The following MON1B variants were observed in gnomAD, a reference collection of about 807,000 sequenced individuals.
MON1B encodes the protein MON1 vesicular trafficking associated B, also known as vacuolar fusion protein MON1 homolog B.
Under a neutral mutation model 45.1 loss-of-function variants are expected in MON1B, and 26 were observed. That is an observed-to-expected ratio of 0.58 (90% CI 0.42 to 0.80). MON1B has a LOEUF of 0.80. MON1B is among the 30% of genes least tolerant of loss of function. MON1B has a pLI of 0.00. For missense variants in MON1B, 737 were observed against 754.5 expected, an observed-to-expected ratio of 0.98 and a Z score of 0.27; for synonymous variants, 395 against 320.2, an observed-to-expected ratio of 1.23 and a Z score of -2.49.
At chr16:77,195,302 C>T in intron 4 of MON1B, 148 bp downstream of exon 4, 2 of 1,004,990 alleles carry the variant, frequency 2.0e-6, no homozygotes, top group Non-Finnish European at 2.8e-6. Flanking sequence ...GATGGAGCAT[C>T]AGCCACAGAC....
rs2054638236 is a variant in MON1B, at chr16:77,193,958, G to C, written c.475+181G>C. ...GGGTTCATCTCTGTCTGGCCTGCTG[G>C]TTTCTTAGTGATTGACTTGCTGGGA... On this transcript the variant is annotated intron_variant, in intron 3 of 5. Transcript: ENST00000248248. This position sits in a 1 kb window ranked among gnomAD's most constrained non-coding sequence, Gnocchi z 5.0. The C allele has an allele frequency of 1.6e-6, 1 of 642,568 alleles. No individual in the cohort carries two copies. Among genetic ancestry groups the C allele is most frequent in the Non-Finnish European group, 2.7e-6 (1 of 375,654 alleles). The allele number at this position is 642,568 out of a possible 1,614,324, so 39.8% of individuals were successfully genotyped here.
In MON1B at chr16:77,195,638, C is replaced by T. The variant is rs746124611; in HGVS notation, c.1399C>T (p.Arg467Cys). ...TCTCCACAGCACCTCCCGACCCCTG[C>T]GCCTCATTTACCACGTGGCTGAGAA... ...ARLHSTSRPL[R>C]LIYHVAEKET... Residue 467 changes from arginine (R) to cysteine (C), a missense_variant, in exon 5 of 6, where the codon CGC (arginine) becomes TGC (cysteine). By Grantham distance (180) the Arg-to-Cys change is radical. Transcript: ENST00000248248. The T allele has an allele frequency of 7.4e-6, 12 of 1,614,032 alleles. No homozygotes were observed. The highest frequency in any genetic ancestry group is 2.2e-5 in the East Asian group (1 of 44,882).
chr16:77,193,133 G>A lies in MON1B; in HGVS notation c.149-318G>A, dbSNP rs1437442272. ...AATCGTCATCCAGAGTCAATGGGGT[G>A]CTTTGAAGACTTTGGAATAACAGTG... On this transcript the variant is annotated intron_variant, in intron 2 of 5. Coordinates refer to ENST00000248248, the MANE Select transcript of MON1B (RefSeq NM_014940.4). This position sits in a 1 kb window ranked among gnomAD's most constrained non-coding sequence, Gnocchi z 5.0. Among the ~76,000 whole-genome samples the A allele has an allele frequency of 1.3e-5, 2 of 152,136 alleles. No individual in the cohort carries two copies. The highest frequency in any genetic ancestry group is 2.1e-4 in the South Asian group (1 of 4,836).
In MON1B at chr16:77,200,242, A is replaced by ATG. The variant is rs1567422945; in HGVS notation, c.*1935_*1936insGT. The ATG allele has an allele frequency of 3.0e-5, 4 of 131,878 alleles. No homozygotes were observed. The highest frequency in any genetic ancestry group is 1.1e-4 in the African/African-American group (4 of 35,764). The allele number at this position is 131,878 out of a possible 1,614,324, so 8.2% of individuals were successfully genotyped here. On this transcript the variant is annotated 3_prime_UTR_variant, in exon 6 of 6. Coordinates refer to ENST00000248248, the MANE Select transcript of MON1B (RefSeq NM_014940.4). ...TGTATGTATGTGTGTGTATATATAT[A>ATG]TATATGTATATGTGTATATATATAT...
At chr16:77,196,363 TTTTATA>T (rs1350172637) in intron 5 of MON1B, among the ~76,000 whole-genome samples, 4 of 151,828 alleles carry the variant, frequency 2.6e-5, no homozygotes, top group African/African-American at 7.3e-5. Flanking sequence ...TATAAAGAGT[TTTTATA>T]TTTATATTTA....
At chr16:77,192,477 G>A (rs998779060) in intron 2 of MON1B, among the ~76,000 whole-genome samples, 4 of 152,190 alleles carry the variant, frequency 2.6e-5, no homozygotes, top group Non-Finnish European at 5.9e-5. Context: ...ATAAATGGAT[G>A]TGTCAGTAGG....
chr16:77,193,942 T>A lies in MON1B; in HGVS notation c.475+165T>A. 4 of 682,796 alleles carry A rather than the reference T, an allele frequency of 5.9e-6. No homozygotes were observed. Among genetic ancestry groups the A allele is most frequent in the South Asian group, 1.9e-5 (1 of 52,166 alleles). 42.3% of individuals were successfully genotyped at this position (682,796 alleles called of 1,614,324 possible). On this transcript the variant is annotated intron_variant, in intron 3 of 5. Coordinates refer to ENST00000248248, the MANE Select transcript of MON1B (RefSeq NM_014940.4). The surrounding 1 kb of genome is among the most constrained non-coding windows in gnomAD (Gnocchi z 5.0). ...GTGGCGGGAGGTGGGGGGGTTCATCTCTGTCTGGCCTGCTGGTTTCTTAGT... is the reference window on the plus strand; with the variant it reads ...GTGGCGGGAGGTGGGGGGGTTCATCACTGTCTGGCCTGCTGGTTTCTTAGT...
At chr16:77,195,895 C>T (rs939825681) in intron 5 of MON1B, among the ~76,000 whole-genome samples, 2 of 152,214 alleles carry the variant, frequency 1.3e-5, no homozygotes, top group African/African-American at 2.4e-5. Context: ...TAGCCTCACC[C>T]TCCTGTGTGC....
Position 77,199,765 on chromosome 16 carries a change from G to T in MON1B, c.*1457G>T, listed in dbSNP as rs927629928. 1 of 398,292 alleles carries T rather than the reference G, an allele frequency of 2.5e-6. No homozygotes were observed. The highest frequency in any genetic ancestry group is 4.5e-6 in the Non-Finnish European group (1 of 223,520). The allele number at this position is 398,292 out of a possible 1,614,324, so 24.7% of individuals were successfully genotyped here. On this transcript the variant is annotated 3_prime_UTR_variant, in exon 6 of 6. Transcript: ENST00000248248. Reference sequence around the variant, plus strand: ...CGTTGTTGAAAGTAAACAACATGTAGTTCAGTACGAAAGTCTTCAAACAAA... The same window carrying T: ...CGTTGTTGAAAGTAAACAACATGTATTTCAGTACGAAAGTCTTCAAACAAA...
chr16:77,199,414 C>A lies in MON1B; in HGVS notation c.*1106C>A. ...TCACGTGGTTTCTTTTTTAACCAGTCATCAAGCGAGGCTCGCGCGCAGGCC... is the reference window on the plus strand; with the variant it reads ...TCACGTGGTTTCTTTTTTAACCAGTAATCAAGCGAGGCTCGCGCGCAGGCC... On this transcript the variant is annotated 3_prime_UTR_variant, in exon 6 of 6. Coordinates refer to ENST00000248248, the MANE Select transcript of MON1B (RefSeq NM_014940.4). 1 of 1,548,330 alleles carries A rather than the reference C, an allele frequency of 6.5e-7. No individual in the cohort carries two copies. The highest frequency in any genetic ancestry group is 8.7e-7 in the Non-Finnish European group (1 of 1,144,654).
rs2054699826 is a variant in MON1B at position 77,199,123 on chromosome 16, C to G, written c.*815C>G. Reference sequence around the variant, plus strand: ...ACCACATAGCACATGCACGTCTGTCCCAGACTTTGACAACCTGCACAAGAC... The same window carrying G: ...ACCACATAGCACATGCACGTCTGTCGCAGACTTTGACAACCTGCACAAGAC... On this transcript the variant is annotated 3_prime_UTR_variant, in exon 6 of 6. Coordinates refer to ENST00000248248, the MANE Select transcript of MON1B (RefSeq NM_014940.4). 2 of 326,256 alleles carry G rather than the reference C, an allele frequency of 6.1e-6. No individual in the cohort carries two copies. Among genetic ancestry groups the G allele is most frequent in the African/African-American group, 2.1e-5 (1 of 46,782 alleles). 20.2% of individuals were successfully genotyped at this position (326,256 alleles called of 1,614,324 possible). A position where few individuals can be genotyped will look rare whatever the true frequency, so the allele number is the denominator to read the frequency against.
At position 77,199,112 on chromosome 16, in the gene MON1B, G is replaced by T. The variant is rs1001121038; in HGVS notation, c.*804G>T. 1.0e-5 allele frequency: 3 copies of T among 298,708 alleles called. No individual in the cohort carries two copies. Among genetic ancestry groups the T allele is most frequent in the Non-Finnish European group, 1.9e-5 (3 of 161,452 alleles). 18.5% of individuals were successfully genotyped at this position (298,708 alleles called of 1,614,324 possible). A position where few individuals can be genotyped will look rare whatever the true frequency, so the allele number is the denominator to read the frequency against. On this transcript the variant is annotated 3_prime_UTR_variant, in exon 6 of 6. Coordinates refer to ENST00000248248, the MANE Select transcript of MON1B (RefSeq NM_014940.4). Reference sequence around the variant, plus strand: ...TATTGTGTACCACCACATAGCACATGCACGTCTGTCCCAGACTTTGACAAC... The same window carrying T: ...TATTGTGTACCACCACATAGCACATTCACGTCTGTCCCAGACTTTGACAAC...
intron 5 of MON1B, among the ~76,000 whole-genome samples, 184 bp downstream of exon 5, chr16:77,195,866 C>T (rs531731361): frequency 3.7e-4 from 56 of 152,302 alleles, no homozygotes; most frequent in Middle Eastern, 3.4e-3. Flanking sequence ...AACTAATGAC[C>T]GTGTCTCTAA....
chr16:77,194,636 C>T lies in MON1B; in HGVS notation c.777C>T (p.Asp259=), dbSNP rs201168657. 6.5e-5 allele frequency: 105 copies of T among 1,613,800 alleles called. No individual in the cohort carries two copies. Among genetic ancestry groups the T allele is most frequent in the Middle Eastern group, 1.7e-4 (1 of 6,060 alleles). Reference sequence around the variant, plus strand: ...TGCCCCTTGCCCGCCCGCTGCGAGACGCACTAGGTGCGCTCCTCCGACGTT... The same window carrying T: ...TGCCCCTTGCCCGCCCGCTGCGAGATGCACTAGGTGCGCTCCTCCGACGTT... The part of the protein sequence containing the change: ...RCVPLARPLR[D]ALGALLRRCT... Residue 259 remains aspartate, a synonymous_variant, in exon 4 of 6, where the codon GAC becomes GAT. Coordinates refer to ENST00000248248, the MANE Select transcript of MON1B (RefSeq NM_014940.4). The surrounding 1 kb of genome is among the most constrained non-coding windows in gnomAD (Gnocchi z 8.1).
rs1385491272 is a variant in MON1B at position 77,199,805 on chromosome 16, G to A, written c.*1497G>A. The A allele has an allele frequency of 2.4e-5, 7 of 292,136 alleles. No homozygotes were observed. The East Asian group carries it at 4.8e-4, about 20-fold the overall frequency. 18.1% of individuals were successfully genotyped at this position (292,136 alleles called of 1,614,324 possible). A position where few individuals can be genotyped will look rare whatever the true frequency, so the allele number is the denominator to read the frequency against. On this transcript the variant is annotated 3_prime_UTR_variant, in exon 6 of 6. Coordinates refer to ENST00000248248, the MANE Select transcript of MON1B (RefSeq NM_014940.4). The stretch of plus-strand genomic sequence containing the variant: ...CTTCAAACAAAAGTGGGGCGGTGGG[G>A]ATGTTCTCATAACAATCACCGTGCT...
At position 77,198,944 on chromosome 16, in the gene MON1B, A is replaced by G. The variant is rs1462397835; in HGVS notation, c.*636A>G. 2 of 159,824 alleles carry G rather than the reference A, an allele frequency of 1.3e-5. No homozygotes were observed. The highest frequency in any genetic ancestry group is 2.4e-5 in the African/African-American group (1 of 41,524). The allele number at this position is 159,824 out of a possible 1,614,324, so 9.9% of individuals were successfully genotyped here. On this transcript the variant is annotated 3_prime_UTR_variant, in exon 6 of 6. Transcript: ENST00000248248. Reference sequence around the variant, plus strand: ...AACCCAGGACACAGCACCTGACTGCACACAGTGGCTGAAATCCAGCATTTT... The same window carrying G: ...AACCCAGGACACAGCACCTGACTGCGCACAGTGGCTGAAATCCAGCATTTT...
rs1434747225 is a variant in MON1B at position 77,197,142 on chromosome 16, G to A, written c.1444-966G>A. ...TAATCCCAGCACTTTGGGAGGCTGAGTCGGGGTGGGAGTTGGGGGGAGTGG... is the reference window on the plus strand; with the variant it reads ...TAATCCCAGCACTTTGGGAGGCTGAATCGGGGTGGGAGTTGGGGGGAGTGG... On this transcript the variant is annotated intron_variant, in intron 5 of 5. Transcript: ENST00000248248. Among the ~76,000 whole-genome samples the A allele has an allele frequency of 5.3e-5, 8 of 152,064 alleles. No individual in the cohort carries two copies. In the East Asian group the frequency reaches 1.4e-3, roughly 26 times the overall value.
intron 5 of MON1B, among the ~76,000 whole-genome samples, chr16:77,196,195 A>G (rs1019566): frequency 0.99 from 150,973 of 152,308 alleles, 74,842 homozygotes; most frequent in Middle Eastern, 1. Context: ...CCAGTGAAGG[A>G]GGCCTCATCA....
At chr16:77,195,251 C>T in intron 4 of MON1B, 97 bp downstream of exon 4, 1 of 1,241,328 alleles carries the variant, frequency 8.1e-7, no homozygotes, top group Non-Finnish European at 1.1e-6. Flanking sequence ...GATAACCAGC[C>T]ATGCTTAAGA....
Sources: allele counts gnomAD v4.1 joint callset (sites outside exome capture counted in the v4.1 genomes callset), GRCh38; gene constraint gnomAD v4.1.1; non-coding constraint Gnocchi (gnomAD v3.1); transcripts MANE v1.5; gene names NCBI Gene and HGNC (gene_info 2026-07-23, HGNC 2026-07-21).